Variants in HPSE2 observed in about 807,000 individuals in gnomAD.
The protein encoded by HPSE2 is heparanase 2 (inactive).
A neutral mutation model predicts 60.5 loss-of-function variants in HPSE2; 38 were observed. The ratio of observed to expected loss-of-function variants is 0.63; its 90% CI spans 0.48 to 0.82. HPSE2 has a LOEUF of 0.82. HPSE2 is among the 40% of genes least tolerant of loss of function. The pLI is 0.00. For missense variants in HPSE2, 713 were observed against 740.4 expected (o/e 0.96, Z 0.43); for synonymous variants, 295 against 293.2 (o/e 1.01, Z -0.06).
At chr10:99,198,330 G>T (rs1848469235) in intron 2 of HPSE2, among the ~76,000 whole-genome samples, 1 of 152,080 alleles carries the variant, frequency 6.6e-6, no homozygotes, top group South Asian at 2.1e-4. Context: ...ACAGTGTCTG[G>T]TACACAGTTA....
chr10:98,906,442 A>C (rs1226820330), intron 3 of HPSE2, among the ~76,000 whole-genome samples: 1 of 152,196 alleles, frequency 6.6e-6, no homozygotes, highest in African/African-American at 2.4e-5. Flanking sequence ...CAACTAAATA[A>C]GCCACAGAAA....
intron 3 of HPSE2, among the ~76,000 whole-genome samples, chr10:98,912,168 A>T (rs1381747280): frequency 6.6e-6 from 1 of 152,160 alleles, no homozygotes; most frequent in East Asian, 1.9e-4. Context: ...TTATTTTGGG[A>T]AAAATGCAGA....
the HPSE2 span, among the ~76,000 whole-genome samples, chr10:99,252,567 T>C: frequency 1.3e-5 from 2 of 152,006 alleles, no homozygotes; most frequent in African/African-American, 4.8e-5. Context: ...ACAATCCCTT[T>C]ACAATAGCCA....
At chr10:98,963,957 C>A (rs1476905357) in intron 3 of HPSE2, among the ~76,000 whole-genome samples, 1 of 152,104 alleles carries the variant, frequency 6.6e-6, no homozygotes, top group Non-Finnish European at 1.5e-5. Flanking sequence ...ATTATCTAAA[C>A]CTAATGCCCG....
intron 3 of HPSE2, among the ~76,000 whole-genome samples, chr10:99,139,601 G>A (rs553085657): frequency 1.5e-4 from 23 of 152,102 alleles, no homozygotes; most frequent in Admixed American, 3.3e-4. Context: ...TATAAAGCAC[G>A]AACACAAGGA....
rs1589715173 is a variant in HPSE2 at position 98,725,587 on chromosome 10, T to C, written c.785-3759A>G. On this transcript the variant is annotated intron_variant, in intron 4 of 11. Transcript: ENST00000370552. ...TCAGGACATAGGCATGGTCAAGGAC[T>C]TCATGTCTAAAACACCAAAAGCAAT... Among the ~76,000 whole-genome samples the C allele has an allele frequency of 3.3e-5, 5 of 152,174 alleles. No individual in the cohort carries two copies. The South Asian group carries it at 1.0e-3, about 32-fold the overall frequency.
the HPSE2 span, among the ~76,000 whole-genome samples, chr10:99,297,694 T>A: frequency 6.6e-6 from 1 of 152,134 alleles, no homozygotes; most frequent in East Asian, 1.9e-4. Flanking sequence ...GATGCCAGAG[T>A]CATGTCGTTC....
At chr10:98,860,835 G>A (rs1352699316) in intron 3 of HPSE2, among the ~76,000 whole-genome samples, 1 of 152,038 alleles carries the variant, frequency 6.6e-6, no homozygotes, top group African/African-American at 2.4e-5. Context: ...ATGGTTTTAT[G>A]AGCCCTCTAT....
intron 2 of HPSE2, among the ~76,000 whole-genome samples, chr10:99,161,950 T>C (rs571160363): frequency 3.7e-4 from 56 of 152,338 alleles, no homozygotes; most frequent in African/African-American, 1.2e-3. Context: ...AAATACTGTA[T>C]GATTCCATTT....
At chr10:98,817,165 G>T (rs1383862837) in intron 3 of HPSE2, among the ~76,000 whole-genome samples, 1 of 152,034 alleles carries the variant, frequency 6.6e-6, no homozygotes, top group East Asian at 1.9e-4. Context: ...ATTTTTCCAG[G>T]TATGTTAGTT....
At chr10:99,231,733 TGAA>T (rs1205894052) in intron 2 of HPSE2, among the ~76,000 whole-genome samples, 1 of 151,996 alleles carries the variant, frequency 6.6e-6, no homozygotes, top group African/African-American at 2.4e-5. Context: ...TTAGGCAATC[TGAA>T]GAAGAACTAA....
At chr10:98,755,557 G>A (rs553675350) in intron 3 of HPSE2, among the ~76,000 whole-genome samples, 7 of 152,168 alleles carry the variant, frequency 4.6e-5, no homozygotes, top group Admixed American at 6.5e-5. Flanking sequence ...CAACAACAAC[G>A]GAATATACAT....
intron 4 of HPSE2, among the ~76,000 whole-genome samples, chr10:98,723,388 G>A (rs1192558844): frequency 6.6e-6 from 1 of 151,422 alleles, no homozygotes; most frequent in Non-Finnish European, 1.5e-5. Context: ...GAGGATTTTT[G>A]CATCAATGTT....
intron 4 of HPSE2, among the ~76,000 whole-genome samples, chr10:98,740,886 A>G (rs1949479655): frequency 6.6e-6 from 1 of 152,114 alleles, no homozygotes; most frequent in Non-Finnish European, 1.5e-5. Context: ...TTTGAGGGGG[A>G]AGAGGCTCAA....
intron 10 of HPSE2, among the ~76,000 whole-genome samples, chr10:98,483,980 G>A (rs978518388): frequency 1.3e-5 from 2 of 152,140 alleles, no homozygotes; most frequent in African/African-American, 4.8e-5. Flanking sequence ...CTATATGAGA[G>A]CACCTATTTC....
intron 2 of HPSE2, among the ~76,000 whole-genome samples, chr10:99,197,825 C>G (rs1848452407): frequency 6.6e-6 from 1 of 152,168 alleles, no homozygotes; most frequent in South Asian, 2.1e-4. Flanking sequence ...CTTTGGGAGG[C>G]CAAAGCAGGT....
At chr10:99,004,155 T>A (rs1358068542) in intron 3 of HPSE2, among the ~76,000 whole-genome samples, 1 of 152,098 alleles carries the variant, frequency 6.6e-6, no homozygotes, top group African/African-American at 2.4e-5. Flanking sequence ...ATAAGTCTCT[T>A]GTACACAGCA....
At chr10:98,774,980 T>G (rs992529310) in intron 3 of HPSE2, among the ~76,000 whole-genome samples, 2 of 152,238 alleles carry the variant, frequency 1.3e-5, no homozygotes, top group African/African-American at 4.8e-5. Context: ...GTGTTGTTGG[T>G]GACCTAGGCT....
intron 3 of HPSE2, among the ~76,000 whole-genome samples, chr10:99,043,107 A>C (rs1957777641): frequency 6.6e-6 from 1 of 152,128 alleles, no homozygotes. Flanking sequence ...AATAAGAAAA[A>C]ATCAGCGTAA....
Sources: allele counts gnomAD v4.1 joint callset (sites outside exome capture counted in the v4.1 genomes callset), GRCh38; gene constraint gnomAD v4.1.1; transcripts MANE v1.5; gene names NCBI Gene and HGNC (gene_info 2026-07-23, HGNC 2026-07-21).